The following ALK variants were observed in gnomAD, a reference collection of about 807,000 sequenced individuals.
ALK encodes the protein ALK tyrosine kinase receptor.
A neutral mutation model predicts 163.1 loss-of-function variants in ALK; 74 were observed. The observed-to-expected ratio is 0.45, with a 90% CI of 0.38 to 0.55. ALK has a LOEUF of 0.55. Ranked by LOEUF, ALK falls within the 20% of genes least tolerant of loss-of-function variation. The probability of loss-of-function intolerance (pLI) is 0.00; values close to 1 mark genes in which losing one functional copy is unlikely to be tolerated. For synonymous variants in ALK, 960 were observed against 843.2 expected (o/e 1.14, Z -2.40); for missense variants, 2,063 against 2,105.3 (o/e 0.98, Z 0.39).
intron 3 of ALK, among the ~76,000 whole-genome samples, chr2:29,555,042 A>G (rs961208455): frequency 1.3e-5 from 2 of 152,206 alleles, no homozygotes; most frequent in African/African-American, 2.4e-5. Flanking sequence ...ACCTTAAAAA[A>G]GGGCAACAGC....
At chr2:29,499,814 C>A (rs1484756972) in intron 4 of ALK, among the ~76,000 whole-genome samples, 3 of 152,044 alleles carry the variant, frequency 2.0e-5, no homozygotes, top group Admixed American at 6.5e-5. Context: ...GTCTTCCTAG[C>A]CATAGATCTG....
chr2:29,513,782 T>A (rs1291205558), intron 4 of ALK, among the ~76,000 whole-genome samples: 3 of 144,636 alleles, frequency 2.1e-5, no homozygotes, highest in Non-Finnish European at 3.0e-5. Flanking sequence ...GAATCTACAA[T>A]GAACTCAAAC....
chr2:29,229,200 G>T, intron 15 of ALK, 134 bp from the exon 16 acceptor site: 1 of 770,228 alleles, frequency 1.3e-6, no homozygotes, highest in Non-Finnish European at 2.3e-6. Context: ...CATCTTCAGT[G>T]GGGCCTGGGG....
rs73922249 is a variant in ALK, at chr2:29,738,915, A to C, written c.668-21218T>G. ...AATAATTTCTAGGATATCTGATTTC[A>C]AAGATGTGCAGAAAAGGGAGAAAAG... On this transcript the variant is annotated intron_variant, in intron 1 of 28. Coordinates refer to ENST00000389048, the MANE Select transcript of ALK (RefSeq NM_004304.5). Among the ~76,000 whole-genome samples the C allele has an allele frequency of 1.7e-3, 253 of 152,170 alleles. 2 individuals are homozygous for C. The highest frequency in any genetic ancestry group is 5.0e-3 in the African/African-American group (209 of 41,426).
At chr2:29,499,319 C>T (rs1672109281) in intron 4 of ALK, among the ~76,000 whole-genome samples, 1 of 152,130 alleles carries the variant, frequency 6.6e-6, no homozygotes, top group Non-Finnish European at 1.5e-5. Flanking sequence ...GCCTCAGCCT[C>T]CCAAGTAGCT....
chr2:29,867,610 C>T (rs1666467910), intron 1 of ALK, among the ~76,000 whole-genome samples: 1 of 152,078 alleles, frequency 6.6e-6, no homozygotes, highest in Admixed American at 6.6e-5. Flanking sequence ...AAATGGAAGC[C>T]CAAAGATACT....
At chr2:29,428,456 A>G (rs76009385) in intron 4 of ALK, among the ~76,000 whole-genome samples, 13,814 of 151,944 alleles carry the variant, frequency 0.091, 840 homozygotes, top group Non-Finnish European at 0.14. Context: ...TACAAAAATA[A>G]AAAGGATTAT....
intron 5 of ALK, among the ~76,000 whole-genome samples, chr2:29,331,520 T>C (rs1401261677): frequency 6.6e-6 from 1 of 151,866 alleles, no homozygotes; most frequent in East Asian, 1.9e-4. Context: ...ATGTAAAATG[T>C]CAAATTCATT....
chr2:29,397,545 C>A (rs1287316696), intron 4 of ALK, among the ~76,000 whole-genome samples: 1 of 152,220 alleles, frequency 6.6e-6, no homozygotes, highest in African/African-American at 2.4e-5. Flanking sequence ...CATTCAAAAC[C>A]ATCCCCACTA....
chr2:29,330,286 T>C (rs951728389), intron 5 of ALK, among the ~76,000 whole-genome samples: 7 of 152,186 alleles, frequency 4.6e-5, no homozygotes, highest in Admixed American at 3.3e-4. Flanking sequence ...AACATGGTCA[T>C]GTGATGGTTG....
rs529561137 is a variant in ALK, at chr2:29,668,319, T to C, written c.952+26531A>G. ...ATTTTTTTCAGTTTGGGGGTTTGAT[T>C]TATTCTTGCTTTTCCTTGGGGTTCA... On this transcript the variant is annotated intron_variant, in intron 3 of 28. Coordinates refer to ENST00000389048, the MANE Select transcript of ALK (RefSeq NM_004304.5). 2.9e-4 allele frequency among the ~76,000 whole-genome samples: 44 copies of C among 152,110 alleles called. No individual in the cohort carries two copies. In the South Asian group the frequency reaches 9.1e-3, roughly 32 times the overall value.
intron 3 of ALK, among the ~76,000 whole-genome samples, chr2:29,552,869 T>A (rs548042650): frequency 2.3e-4 from 35 of 152,288 alleles, no homozygotes; most frequent in African/African-American, 7.9e-4. Flanking sequence ...CTGGGCTCCC[T>A]CTCCAGCCTC....
chr2:29,768,776 T>C (rs1428675048), intron 1 of ALK, among the ~76,000 whole-genome samples: 1 of 151,652 alleles, frequency 6.6e-6, no homozygotes, highest in Non-Finnish European at 1.5e-5. Flanking sequence ...AGCAAATATT[T>C]ATAATAAAAT....
At chr2:29,230,584 G>A (rs1251052630) in intron 15 of ALK, among the ~76,000 whole-genome samples, 2 of 152,160 alleles carry the variant, frequency 1.3e-5, no homozygotes, top group Non-Finnish European at 2.9e-5. Flanking sequence ...GCTAGAAAGA[G>A]GAAGCCAGGT....
intron 1 of ALK, among the ~76,000 whole-genome samples, chr2:29,899,008 A>G (rs1272331636): frequency 6.6e-6 from 1 of 152,104 alleles, no homozygotes; most frequent in Non-Finnish European, 1.5e-5. Context: ...TAGGTACTTC[A>G]GGGGCCTGGG....
At chr2:29,489,607 G>C (rs951189111) in intron 4 of ALK, among the ~76,000 whole-genome samples, 1 of 152,204 alleles carries the variant, frequency 6.6e-6, no homozygotes, top group African/African-American at 2.4e-5. Flanking sequence ...GCCCTCCAAA[G>C]ATGTTATATT....
intron 3 of ALK, among the ~76,000 whole-genome samples, chr2:29,645,702 T>C (rs1409130963): frequency 6.6e-6 from 1 of 152,032 alleles, no homozygotes; most frequent in East Asian, 1.9e-4. Context: ...TTCCATCCAG[T>C]GGTCAACCCT....
chr2:29,733,408 G>A (rs1679801461), intron 1 of ALK, among the ~76,000 whole-genome samples: 1 of 152,094 alleles, frequency 6.6e-6, no homozygotes, highest in Non-Finnish European at 1.5e-5. Flanking sequence ...ATGCTGTCTT[G>A]GAGTTGAGAT....
At chr2:29,629,612 T>G (rs1235948586) in intron 3 of ALK, among the ~76,000 whole-genome samples, 2 of 152,210 alleles carry the variant, frequency 1.3e-5, no homozygotes, top group East Asian at 3.8e-4. Flanking sequence ...CCAAGGCATT[T>G]TCTGTCCACT....
Sources: gnomAD v4.1 joint callset for allele counts (sites outside exome capture counted in the v4.1 genomes callset) on GRCh38, gnomAD v4.1.1 for gene constraint, MANE v1.5 for transcripts, NCBI Gene and HGNC (gene_info 2026-07-23, HGNC 2026-07-21) for gene names.